Variants in CADM2 observed in about 807,000 individuals in gnomAD.
CADM2 encodes the protein immunoglobulin superfamily member 4D.
Under a neutral mutation model 49.8 loss-of-function variants are expected in CADM2, and 12 were observed. The observed-to-expected ratio is 0.24, with a 90% confidence interval of 0.15 to 0.39. The LOEUF (loss-of-function observed/expected upper bound fraction) is 0.39, where lower values mean the gene tolerates loss of function less well. Ranked by LOEUF, CADM2 falls within the 10% of genes least tolerant of loss-of-function variation. CADM2 has a pLI of 1.00. For synonymous variants in CADM2, 214 were observed against 175.4 expected, an observed-to-expected ratio of 1.22 and a Z score of -1.74; for missense variants, 378 against 492.3, an observed-to-expected ratio of 0.77 and a Z score of 2.20.
chr3:85,051,876 A>C (rs932610931), intron 1 of CADM2, among the ~76,000 whole-genome samples: 10 of 152,126 alleles, frequency 6.6e-5, no homozygotes, highest in Non-Finnish European at 1.3e-4. Flanking sequence ...GATTGCTAGG[A>C]TGCAAACTCC....
At chr3:85,931,279 G>C (rs1720555727) in intron 6 of CADM2, among the ~76,000 whole-genome samples, 1 of 151,700 alleles carries the variant, frequency 6.6e-6, no homozygotes. Context: ...GAGAGAGCAA[G>C]AGAAAGAAAA....
At chr3:86,030,500 T>G (rs1051567349) in intron 8 of CADM2, among the ~76,000 whole-genome samples, 2 of 152,016 alleles carry the variant, frequency 1.3e-5, no homozygotes, top group African/African-American at 2.4e-5. Context: ...ATTTCATATT[T>G]ACTCTTCCTT....
chr3:85,367,218 A>G (rs979164617), intron 1 of CADM2, among the ~76,000 whole-genome samples: 2 of 152,048 alleles, frequency 1.3e-5, no homozygotes, highest in African/African-American at 2.4e-5. Context: ...ACTTATATAA[A>G]CCTAAGTCAA....
intron 1 of CADM2, among the ~76,000 whole-genome samples, chr3:85,625,510 ATAGTG>A (rs1471346424): frequency 2.0e-5 from 3 of 152,070 alleles, no homozygotes; most frequent in Non-Finnish European, 4.4e-5. Context: ...GCATTCCATC[ATAGTG>A]TAGATTTATT....
chr3:84,976,948 A>T (rs1318025585), intron 1 of CADM2, among the ~76,000 whole-genome samples: 1 of 151,958 alleles, frequency 6.6e-6, no homozygotes, highest in Admixed American at 6.6e-5. Flanking sequence ...TTTTTACTGT[A>T]AAAGATAGAC....
chr3:86,005,276 G>C (rs972593671), intron 8 of CADM2, among the ~76,000 whole-genome samples: 1 of 152,278 alleles, frequency 6.6e-6, no homozygotes, highest in Non-Finnish European at 1.5e-5. Flanking sequence ...TTGTGGCCGG[G>C]CGTGGTGGCT....
At chr3:85,294,549 G>C (rs1175475058) in intron 1 of CADM2, among the ~76,000 whole-genome samples, 11 of 151,942 alleles carry the variant, frequency 7.2e-5, no homozygotes, top group African/African-American at 7.3e-5. Context: ...ATACTACAAG[G>C]CTACAGTACC....
chr3:85,567,018 A>G (rs1002633311), intron 1 of CADM2, among the ~76,000 whole-genome samples: 1 of 152,198 alleles, frequency 6.6e-6, no homozygotes, highest in Admixed American at 6.5e-5. Flanking sequence ...AAAAGATTAT[A>G]TGTACACCTT....
chr3:85,684,637 T>C (rs1194930419), intron 1 of CADM2, among the ~76,000 whole-genome samples: 3 of 151,114 alleles, frequency 2.0e-5, no homozygotes, highest in Non-Finnish European at 2.9e-5. Flanking sequence ...GCTGGGGAGG[T>C]CTCACAATCA....
At chr3:85,130,531 G>A (rs1475020460) in intron 1 of CADM2, among the ~76,000 whole-genome samples, 1 of 152,142 alleles carries the variant, frequency 6.6e-6, no homozygotes, top group Admixed American at 6.5e-5. Context: ...TATTGATGAA[G>A]CCAGATACAG....
intron 1 of CADM2, among the ~76,000 whole-genome samples, chr3:85,018,519 A>G (rs1213030478): frequency 1.3e-5 from 2 of 151,920 alleles, no homozygotes; most frequent in Non-Finnish European, 2.9e-5. Flanking sequence ...ATGCCTGGCT[A>G]ATTTTTGTAT....
At chr3:84,967,116 C>G (rs2031060374) in intron 1 of CADM2, among the ~76,000 whole-genome samples, 1 of 152,072 alleles carries the variant, frequency 6.6e-6, no homozygotes, top group East Asian at 1.9e-4. Flanking sequence ...AGAATGAGAA[C>G]ATACCTTTCC....
intron 7 of CADM2, among the ~76,000 whole-genome samples, chr3:85,956,021 A>G (rs2108599445): frequency 6.6e-6 from 1 of 151,878 alleles, no homozygotes; most frequent in African/African-American, 2.4e-5. Flanking sequence ...AAACAAAATC[A>G]AAATGTTATC....
intron 1 of CADM2, among the ~76,000 whole-genome samples, chr3:85,354,428 C>T (rs536103369): frequency 1.1e-4 from 16 of 151,054 alleles, no homozygotes; most frequent in Non-Finnish European, 1.9e-4. Context: ...GGGTGCAGCA[C>T]ACCAACATGG....
chr3:85,023,093 A>T (rs1468851439), intron 1 of CADM2, among the ~76,000 whole-genome samples: 1 of 152,188 alleles, frequency 6.6e-6, no homozygotes, highest in Non-Finnish European at 1.5e-5. Context: ...GTAAAGAAAG[A>T]GTTTTAAGTG....
chr3:85,894,673 T>C (rs909989450), intron 5 of CADM2, among the ~76,000 whole-genome samples: 9 of 152,124 alleles, frequency 5.9e-5, no homozygotes, highest in African/African-American at 2.2e-4. Flanking sequence ...AAATAGGGTT[T>C]CCTGAGCCAG....
chr3:85,536,710 G>A (rs17457189), intron 1 of CADM2, among the ~76,000 whole-genome samples: 77,778 of 151,742 alleles, frequency 0.51, 23,013 homozygotes, highest in East Asian at 0.85. Flanking sequence ...GTAATTCAGA[G>A]ATTTGTTGTT....
At position 85,794,817 on chromosome 3, in the gene CADM2, C is replaced by T. The variant is rs114827754; in HGVS notation, c.89-7230C>T. Among the ~76,000 whole-genome samples the T allele has an allele frequency of 6.2e-3, 936 of 152,128 alleles. 6 individuals carry two copies. Among genetic ancestry groups the T allele is most frequent in the South Asian group, 0.02 (94 of 4,816 alleles). ...TCTCCTAAAGTATCTAATTACTTTG[C>T]GGACTCCTTAGTAAGCTTCTCTTTC... On this transcript the variant is annotated intron_variant, in intron 2 of 9. Transcript: ENST00000383699.
Position 85,276,696 on chromosome 3 carries a change from G to GA in CADM2, c.61+317037dup, listed in dbSNP as rs544741185. ...GAGGCCATGTTTTAAGGTGGTTTAT[G>GA]AAAAAAAAAGCTTGGGTGATTTTCA... On this transcript the variant is annotated intron_variant, in intron 1 of 9. Coordinates refer to ENST00000383699, the MANE Select transcript of CADM2 (RefSeq NM_001167675.2). Among the ~76,000 whole-genome samples, 438 of 149,308 alleles carry GA rather than the reference G, an allele frequency of 2.9e-3. 4 individuals carry two copies. Among genetic ancestry groups the GA allele is most frequent in the Non-Finnish European group, 3.9e-3 (259 of 66,820 alleles).
Sources: allele counts gnomAD v4.1 joint callset (sites outside exome capture counted in the v4.1 genomes callset), GRCh38; gene constraint gnomAD v4.1.1; transcripts MANE v1.5; gene names NCBI Gene and HGNC (gene_info 2026-07-23, HGNC 2026-07-21).